CDC42BPA: variants seen among roughly 807,000 people sequenced by gnomAD.
The protein encoded by CDC42BPA is serine/threonine-protein kinase MRCK alpha.
CDC42BPA carries 80 observed loss-of-function variants against 223.5 expected under a neutral mutation model. The ratio of observed to expected loss-of-function variants is 0.36; its 90% confidence interval spans 0.30 to 0.43. The LOEUF (loss-of-function observed/expected upper bound fraction) is 0.43, where lower values mean the gene tolerates loss of function less well. Among genes scored for constraint, CDC42BPA ranks in the 20% least tolerant of loss-of-function variants. The pLI, the probability that CDC42BPA is intolerant of heterozygous loss-of-function variation, is 1.00. For missense variants in CDC42BPA, 1,743 were observed against 2,099.9 expected (o/e 0.83, Z 3.32); for synonymous variants, 694 against 718.6 (o/e 0.97, Z 0.55).
chr1:227,035,612 T>C lies in CDC42BPA; in HGVS notation c.3200-5A>G. ...TATGGCATGAGAATCCACACACTTT[T>C]AGAGGGAAAAAAGAAACGTTTGATA... On this transcript the variant is annotated splice_polypyrimidine_tract_variant and splice_region_variant and intron_variant, in intron 24 of 36. Transcript: ENST00000366766. 3.2e-6 allele frequency: 5 copies of C among 1,567,202 alleles called. 1 individual carries two copies. The highest frequency in any genetic ancestry group is 2.4e-5 in the South Asian group (2 of 82,950).
chr1:227,156,452 CT>C (rs1662823960), intron 6 of CDC42BPA, among the ~76,000 whole-genome samples: 1 of 146,832 alleles, frequency 6.8e-6, no homozygotes, highest in Non-Finnish European at 1.5e-5. Context: ...CCATAGGCCT[CT>C]CAAAGACTTT....
At position 227,139,636 on chromosome 1, in the gene CDC42BPA, A is replaced by T; in HGVS notation, c.1330T>A (p.Tyr444Asn). 5 of 1,611,448 alleles carry T rather than the reference A, an allele frequency of 3.1e-6. No individual in the cohort carries two copies. Among genetic ancestry groups the T allele is most frequent in the Non-Finnish European group, 4.2e-6 (5 of 1,178,892 alleles). Residue 444 changes from tyrosine to asparagine, a missense_variant, in exon 10 of 37, where the codon TAT (tyrosine) becomes AAT (asparagine). Around this residue, in one of 6 missense-constraint regions of CDC42BPA, gnomAD observed 464 missense variants for 488.0 expected, o/e 0.95. Transcript: ENST00000366766. ...TCAAGGCGCTTAATTCTTCTTTCAT[A>T]AGCTTCAGTTGCTAAGTTGTTGTCT... is the stretch of plus-strand genomic sequence containing the variant. Reference protein sequence around the residue: ...TLDNNLATEAYERRIKRLEQE... With the variant: ...TLDNNLATEANERRIKRLEQE...
intron 1 of CDC42BPA, among the ~76,000 whole-genome samples, chr1:227,289,698 A>G (rs1339239908): frequency 2.0e-5 from 3 of 152,176 alleles, no homozygotes; most frequent in Non-Finnish European, 4.4e-5. Context: ...TAAATGAATT[A>G]ATGTGTGTAC....
At chr1:227,256,938 TATATATACAGACACACAC>T (rs1279835300) in intron 1 of CDC42BPA, among the ~76,000 whole-genome samples, 7 of 120,086 alleles carry the variant, frequency 5.8e-5, no homozygotes, top group Non-Finnish European at 1.0e-4. Context: ...AAATGTGATA[TATATATACAGACACACAC>T]ACACACACAC....
intron 1 of CDC42BPA, among the ~76,000 whole-genome samples, chr1:227,297,128 G>T (rs1473471603): frequency 6.6e-6 from 1 of 152,104 alleles, no homozygotes; most frequent in African/African-American, 2.4e-5. Context: ...TGGGCAAAGG[G>T]TTAATCAGAC....
chr1:227,083,125 A>G (rs1288518647), intron 16 of CDC42BPA, among the ~76,000 whole-genome samples: 2 of 150,520 alleles, frequency 1.3e-5, no homozygotes, highest in Non-Finnish European at 3.0e-5. Context: ...GGCCATAAAC[A>G]CTCTTCAAAT....
chr1:227,151,630 G>T (rs1052993650), intron 6 of CDC42BPA, among the ~76,000 whole-genome samples: 1 of 152,074 alleles, frequency 6.6e-6, no homozygotes, highest in Admixed American at 6.6e-5. Context: ...GACAACACTT[G>T]TTATTTTCTG....
intron 32 of CDC42BPA, among the ~76,000 whole-genome samples, chr1:227,019,002 A>G (rs1467904094): frequency 1.3e-5 from 2 of 151,916 alleles, no homozygotes; most frequent in Admixed American, 6.5e-5. Context: ...GCAATTTCTT[A>G]AAGTGAGACA....
intron 21 of CDC42BPA, among the ~76,000 whole-genome samples, chr1:227,066,181 G>A (rs571209023): frequency 1.3e-5 from 2 of 152,244 alleles, no homozygotes; most frequent in African/African-American, 4.8e-5. Flanking sequence ...ATGAGGTCAG[G>A]AGTTCAAGAG....
intron 5 of CDC42BPA, among the ~76,000 whole-genome samples, chr1:227,167,163 A>C (rs889450491): frequency 1.3e-5 from 2 of 152,190 alleles, no homozygotes; most frequent in African/African-American, 4.8e-5. Flanking sequence ...TATTTGGTAA[A>C]ATCTTTTTAA....
chr1:226,997,815 A>G (rs1661951076), intron 35 of CDC42BPA, among the ~76,000 whole-genome samples: 1 of 152,112 alleles, frequency 6.6e-6, no homozygotes, highest in Non-Finnish European at 1.5e-5. Context: ...GGTCTGAGAG[A>G]CTTATAATTT....
At chr1:227,121,248 G>T (rs1688622459) in intron 11 of CDC42BPA, among the ~76,000 whole-genome samples, 1 of 152,176 alleles carries the variant, frequency 6.6e-6, no homozygotes, top group African/African-American at 2.4e-5. Context: ...GTATCCTCAA[G>T]TCATTCATTT....
chr1:227,305,859 G>A (rs943772697), intron 1 of CDC42BPA, among the ~76,000 whole-genome samples: 16 of 152,216 alleles, frequency 1.1e-4, no homozygotes, highest in Non-Finnish European at 1.6e-4. Flanking sequence ...CCAGCTACTC[G>A]GGAGGCTGAG....
At chr1:227,093,606 A>T (rs1321649327) in intron 15 of CDC42BPA, among the ~76,000 whole-genome samples, 1 of 152,174 alleles carries the variant, frequency 6.6e-6, no homozygotes, top group Non-Finnish European at 1.5e-5. Context: ...ATAGTTCAAC[A>T]ATGTACAGCC....
chr1:227,011,074 C>A (rs12403978), intron 34 of CDC42BPA: 7 of 1,299,438 alleles, frequency 5.4e-6, no homozygotes, highest in East Asian at 5.2e-5. Context: ...CTATCAAAAA[C>A]AAAAGAAAGA....
chr1:227,253,484 T>TACTCGGGAGGCTGAAGCAGGAGAATC (rs1682463781), intron 2 of CDC42BPA, among the ~76,000 whole-genome samples: 1 of 152,120 alleles, frequency 6.6e-6, no homozygotes, highest in Non-Finnish European at 1.5e-5. Context: ...TAATCCCAGC[T>TACTCGGGAGGCTGAAGCAGGAGAATC]ACTCGGGAGG....
intron 2 of CDC42BPA, among the ~76,000 whole-genome samples, chr1:227,217,484 C>T (rs905460248): frequency 6.6e-6 from 1 of 151,762 alleles, no homozygotes; most frequent in African/African-American, 2.4e-5. Context: ...AAAATCTTGC[C>T]TGGATTGTCC....
intron 20 of CDC42BPA, 135 bp from the exon 21 acceptor site, chr1:227,069,988 T>C: frequency 1.9e-6 from 1 of 519,448 alleles, no homozygotes; most frequent in Non-Finnish European, 3.5e-6. Flanking sequence ...TAATTAACTC[T>C]ACATTTAAAC....
chr1:227,310,673 A>T (rs938884280), intron 1 of CDC42BPA, among the ~76,000 whole-genome samples: 41 of 134,616 alleles, frequency 3.0e-4, no homozygotes, highest in African/African-American at 1.2e-3. Flanking sequence ...TTTGGAAAGG[A>T]GTTTTTTTTT....
Sources: gnomAD v4.1 joint callset for allele counts (sites outside exome capture counted in the v4.1 genomes callset) on GRCh38, gnomAD v4.1.1 for gene constraint, gnomAD v4.1.1 regional missense constraint, MANE v1.5 for transcripts, NCBI Gene and HGNC (gene_info 2026-07-23, HGNC 2026-07-21) for gene names.